Variants in CFAP97 observed in about 807,000 individuals in gnomAD.
CFAP97 encodes cilia and flagella associated protein 97.
CFAP97 carries 36 observed loss-of-function variants against 43.1 expected under a neutral mutation model. The observed-to-expected ratio is 0.84, with a 90% CI of 0.64 to 1.10. CFAP97 has a LOEUF of 1.10. CFAP97 is among the 50% of genes least tolerant of loss of function. The probability of loss-of-function intolerance (pLI) is 0.00; values close to 1 mark genes in which losing one functional copy is unlikely to be tolerated. For synonymous variants in CFAP97, 228 were observed against 225.7 expected, an observed-to-expected ratio of 1.01 and a Z score of -0.09; for missense variants, 657 against 620.3, an observed-to-expected ratio of 1.06 and a Z score of -0.63.
At chr4:185,181,902 G>A (rs1735805933) in intron 2 of CFAP97, among the ~76,000 whole-genome samples, 1 of 152,058 alleles carries the variant, frequency 6.6e-6, no homozygotes, top group Admixed American at 6.6e-5. Context: ...AGCATAACAG[G>A]GTCTGTATCT....
chr4:185,175,293 G>T (rs1735470636), intron 3 of CFAP97, among the ~76,000 whole-genome samples: 1 of 151,632 alleles, frequency 6.6e-6, no homozygotes, highest in African/African-American at 2.4e-5. Context: ...TTGAGGTGGA[G>T]TCTGGTTCTG....
At chr4:185,192,620 GTTTTT>G (rs56979147) in intron 1 of CFAP97, among the ~76,000 whole-genome samples, 46 of 150,974 alleles carry the variant, frequency 3.0e-4, no homozygotes, top group Non-Finnish European at 4.9e-4. Flanking sequence ...TTAAAAAATG[GTTTTT>G]TTTATCTGTT....
upstream of CFAP97, among the ~76,000 whole-genome samples, chr4:185,204,697 G>T (rs1737109962): frequency 6.6e-6 from 1 of 152,180 alleles, no homozygotes; most frequent in South Asian, 2.1e-4. Context: ...GAACCCCATG[G>T]AATCACAAAG....
At chr4:185,177,534 C>T (rs1003626331) in intron 2 of CFAP97, among the ~76,000 whole-genome samples, 1 of 152,020 alleles carries the variant, frequency 6.6e-6, no homozygotes, top group South Asian at 2.1e-4. Flanking sequence ...TTTTAATCCC[C>T]TATTTAAAAA....
intron 2 of CFAP97, among the ~76,000 whole-genome samples, chr4:185,186,436 AAAC>A (rs540787372): frequency 3.8e-4 from 58 of 152,322 alleles, no homozygotes; most frequent in African/African-American, 9.9e-4. Context: ...CTGTCTCAAA[AAAC>A]AACAACAACA....
chr4:185,190,547 A>C lies in CFAP97; in HGVS notation c.650T>G (p.Leu217Arg). ...SKKHVSGITL[L>R]SPKHKYKSGI... ...TGATTTATACTTGTGTTTTGGTGACAGGAGGGTTATACCAGATACATGTTT... is the reference window on the plus strand; with the variant it reads ...TGATTTATACTTGTGTTTTGGTGACCGGAGGGTTATACCAGATACATGTTT... The change falls in exon 2 of 5, where the codon CTG (leucine) becomes CGG (arginine). Residue 217 changes from leucine (L) to arginine (R), a missense_variant. Leu to Arg is a moderately radical substitution (Grantham distance 102, BLOSUM62 -2). Coordinates refer to ENST00000458385, the MANE Select transcript of CFAP97 (RefSeq NM_020827.3). 1 of 1,613,932 alleles carries C rather than the reference A, an allele frequency of 6.2e-7. No homozygotes were observed. The highest frequency in any genetic ancestry group is 8.5e-7 in the Non-Finnish European group (1 of 1,179,866).
At chr4:185,192,730 C>CTTTTTTTTTTT (rs1736326116) in intron 1 of CFAP97, among the ~76,000 whole-genome samples, 1 of 105,470 alleles carries the variant, frequency 9.5e-6, no homozygotes, top group African/African-American at 4.6e-5. Context: ...CAGAATTGAC[C>CTTTTTTTTTTT]TTCTTTTTTT....
chr4:185,201,339 A>AC (rs1228757875), intron 1 of CFAP97, among the ~76,000 whole-genome samples: 1 of 151,794 alleles, frequency 6.6e-6, no homozygotes, highest in East Asian at 1.9e-4. Flanking sequence ...AAAAAAAAAA[A>AC]AAAAGTTCTA....
At position 185,160,335 on chromosome 4, in the gene CFAP97, T is replaced by C. The variant is rs985510495; in HGVS notation, c.*2463A>G. 4 of 152,062 alleles carry C rather than the reference T, an allele frequency of 2.6e-5. No homozygotes were observed. The highest frequency in any genetic ancestry group is 9.7e-5 in the African/African-American group (4 of 41,418). 9.4% of individuals were successfully genotyped at this position (152,062 alleles called of 1,614,324 possible). ...TTAGCATACTTTCTAGTTATAGATG[T>C]AAATCTTCAAAGTACATATATTCAG... On this transcript the variant is annotated 3_prime_UTR_variant, in exon 5 of 5. Transcript: ENST00000458385.
chr4:185,176,121 T>TTTTC, intron 2 of CFAP97, 70 bp from the exon 3 acceptor site: 1 of 1,258,422 alleles, frequency 7.9e-7, no homozygotes, highest in South Asian at 1.6e-5. Context: ...TTTTTTTTTT[T>TTTTC]TCTCTTTTTA....
At chr4:185,201,285 C>T (rs1736813072) in intron 1 of CFAP97, among the ~76,000 whole-genome samples, 2 of 145,346 alleles carry the variant, frequency 1.4e-5, no homozygotes, top group South Asian at 2.2e-4. Flanking sequence ...CAGATCACAC[C>T]ACTGCACTCC....
intron 2 of CFAP97, among the ~76,000 whole-genome samples, chr4:185,176,698 T>G (rs1413806563): frequency 6.6e-6 from 1 of 152,192 alleles, no homozygotes; most frequent in Non-Finnish European, 1.5e-5. Context: ...CTGGAAAGGT[T>G]AGAAACCTCA....
At chr4:185,179,683 C>A (rs533432414) in intron 2 of CFAP97, among the ~76,000 whole-genome samples, 1 of 152,138 alleles carries the variant, frequency 6.6e-6, no homozygotes, top group Non-Finnish European at 1.5e-5. Flanking sequence ...ACTGTAGTCC[C>A]GGCCACTGAG....
upstream of CFAP97, chr4:185,209,917 G>A (rs963291413): frequency 1.9e-5 from 19 of 983,156 alleles, no homozygotes; most frequent in African/African-American, 3.3e-4. This position sits in a 1 kb window ranked among gnomAD's most constrained non-coding sequence, Gnocchi z 5.2. Flanking sequence ...GGGCTTCAGG[G>A]GCGAGCGGCG....
chr4:185,197,297 C>T (rs974538425), intron 1 of CFAP97, among the ~76,000 whole-genome samples: 2 of 152,156 alleles, frequency 1.3e-5, no homozygotes, highest in Non-Finnish European at 1.5e-5. Flanking sequence ...TAATAAGTTT[C>T]TATTAATTCT....
chr4:185,176,322 A>G (rs1027902776), intron 2 of CFAP97, among the ~76,000 whole-genome samples: 1 of 152,130 alleles, frequency 6.6e-6, no homozygotes, highest in African/African-American at 2.4e-5. Context: ...CATGTTGCCC[A>G]GGCTGGTCTC....
intron 2 of CFAP97, among the ~76,000 whole-genome samples, chr4:185,187,791 C>G (rs1275278900): frequency 6.6e-6 from 1 of 151,756 alleles, no homozygotes; most frequent in Admixed American, 6.6e-5. Context: ...AGAGCCTAGG[C>G]ATCAGTATTT....
At chr4:185,193,169 T>C (rs983076650) in intron 1 of CFAP97, among the ~76,000 whole-genome samples, 2 of 152,056 alleles carry the variant, frequency 1.3e-5, no homozygotes, top group Non-Finnish European at 2.9e-5. Context: ...TATTCACAAA[T>C]ATGCCTGGGG....
Position 185,190,853 on chromosome 4 carries a change from G to C in CFAP97, c.344C>G (p.Ser115Cys). The C allele has an allele frequency of 6.2e-7, 1 of 1,611,128 alleles. No homozygotes were observed. Among genetic ancestry groups the C allele is most frequent in the Non-Finnish European group, 8.5e-7 (1 of 1,178,440 alleles). The change falls in exon 2 of 5, where the codon TCC becomes TGC. Residue 115 changes from serine (S) to cysteine (C), a missense_variant. By Grantham distance (112) the Ser-to-Cys change is moderately radical. Coordinates refer to ENST00000458385, the MANE Select transcript of CFAP97 (RefSeq NM_020827.3). Reference sequence around the variant, plus strand: ...AATTTTGGGAATTCTATTTGGAATGGACACGTGTATTTTAAGTCCTGTTGT... The same window carrying C: ...AATTTTGGGAATTCTATTTGGAATGCACACGTGTATTTTAAGTCCTGTTGT... ...DVTTGLKIHV[S>C]IPNRIPKIVK...
Sources: gnomAD v4.1 joint callset for allele counts (sites outside exome capture counted in the v4.1 genomes callset) on GRCh38, gnomAD v4.1.1 for gene constraint, Gnocchi (gnomAD v3.1) non-coding constraint, MANE v1.5 for transcripts, NCBI Gene and HGNC (gene_info 2026-07-23, HGNC 2026-07-21) for gene names.